Variants in SYNPR observed in about 807,000 individuals in gnomAD.
SYNPR encodes synaptoporin.
SYNPR carries 23 observed loss-of-function variants against 32.9 expected under a neutral mutation model. The ratio of observed to expected loss-of-function variants is 0.70; its 90% CI spans 0.50 to 0.99. SYNPR has a LOEUF of 0.99. SYNPR is among the 50% of genes least tolerant of loss of function. The pLI is 0.00. For synonymous variants in SYNPR, 146 were observed against 135.9 expected, an observed-to-expected ratio of 1.07 and a Z score of -0.52; for missense variants, 318 against 349.3, an observed-to-expected ratio of 0.91 and a Z score of 0.71.
chr3:63,251,703 G>C (rs2086332836), intron 1 of SYNPR, among the ~76,000 whole-genome samples: 1 of 152,024 alleles, frequency 6.6e-6, no homozygotes, highest in African/African-American at 2.4e-5. Context: ...GATCAGCAAA[G>C]ATCTACGTAA....
intron 4 of SYNPR, among the ~76,000 whole-genome samples, chr3:63,570,465 T>C (rs1335733595): frequency 1.3e-5 from 2 of 152,210 alleles, no homozygotes; most frequent in African/African-American, 4.8e-5. Context: ...TTCCATGTTT[T>C]AGTCAAACTG....
chr3:63,344,667 C>T (rs1478737011), intron 2 of SYNPR, among the ~76,000 whole-genome samples: 2 of 151,074 alleles, frequency 1.3e-5, no homozygotes, highest in African/African-American at 4.9e-5. Context: ...TGTTTTTGCC[C>T]ACTGCACAGA....
chr3:63,481,128 C>T (rs984080784), intron 3 of SYNPR, among the ~76,000 whole-genome samples, 172 bp downstream of exon 3: 1 of 151,824 alleles, frequency 6.6e-6, no homozygotes, highest in Admixed American at 6.6e-5. Flanking sequence ...AGTGTGGGCA[C>T]TGGGAGGATT....
chr3:63,459,875 A>G (rs1471079225), intron 2 of SYNPR, among the ~76,000 whole-genome samples: 1 of 152,034 alleles, frequency 6.6e-6, no homozygotes, highest in Non-Finnish European at 1.5e-5. Context: ...TCATTCAGCA[A>G]AGTCATCTTT....
intron 3 of SYNPR, among the ~76,000 whole-genome samples, chr3:63,505,490 C>G (rs1166919389): frequency 6.6e-6 from 1 of 152,062 alleles, no homozygotes; most frequent in African/African-American, 2.4e-5. Context: ...TGAAAATGGT[C>G]CCATCAAAGA....
In SYNPR at chr3:63,361,178, C is replaced by T. The variant is rs75566849; in HGVS notation, c.84+82436C>T. 6.3e-3 allele frequency among the ~76,000 whole-genome samples: 954 copies of T among 152,184 alleles called. 6 individuals carry two copies. Among genetic ancestry groups the T allele is most frequent in the African/African-American group, 0.021 (882 of 41,516 alleles). On this transcript the variant is annotated intron_variant, in intron 2 of 5. Transcript: ENST00000478300. ...TCAATGGCCTATGCTGGGTTATATG[C>T]CCATCTTGATCAGGGCAAGGTAAGT...
chr3:63,450,631 G>T (rs1236447985), intron 2 of SYNPR, among the ~76,000 whole-genome samples: 1 of 152,164 alleles, frequency 6.6e-6, no homozygotes, highest in Non-Finnish European at 1.5e-5. Flanking sequence ...AAACATCTTT[G>T]GGGGTTATTT....
At chr3:63,298,193 C>T (rs1477599974) in intron 2 of SYNPR, among the ~76,000 whole-genome samples, 1 of 152,066 alleles carries the variant, frequency 6.6e-6, no homozygotes, top group African/African-American at 2.4e-5. Context: ...GTTGGTTTGG[C>T]CTACACTCAG....
chr3:63,564,728 G>T (rs574308278), intron 4 of SYNPR, among the ~76,000 whole-genome samples: 2 of 152,218 alleles, frequency 1.3e-5, no homozygotes, highest in Non-Finnish European at 2.9e-5. Flanking sequence ...CACATCCTCA[G>T]CTCTTTTTCA....
At chr3:63,330,535 A>G (rs939753687) in intron 2 of SYNPR, among the ~76,000 whole-genome samples, 2 of 152,034 alleles carry the variant, frequency 1.3e-5, no homozygotes, top group Non-Finnish European at 2.9e-5. Context: ...GACCGCAGAA[A>G]GAGAGAGACT....
intron 2 of SYNPR, among the ~76,000 whole-genome samples, chr3:63,454,080 T>A (rs1700433554): frequency 6.6e-6 from 1 of 152,148 alleles, no homozygotes; most frequent in Non-Finnish European, 1.5e-5. Context: ...AATAGTCTAC[T>A]AAGTACCAGG....
At chr3:63,307,066 T>C (rs1285370394) in intron 2 of SYNPR, among the ~76,000 whole-genome samples, 2 of 152,096 alleles carry the variant, frequency 1.3e-5, no homozygotes, top group Non-Finnish European at 2.9e-5. Context: ...AATATACTCA[T>C]GTAACTGTGC....
At chr3:63,498,946 T>C (rs1437073501) in intron 3 of SYNPR, among the ~76,000 whole-genome samples, 2 of 108,450 alleles carry the variant, frequency 1.8e-5, no homozygotes, top group Admixed American at 9.2e-5. Context: ...GGACCTCACC[T>C]CTAAAAAAAA....
Position 63,429,168 on chromosome 3 carries a change from T to C in SYNPR, c.85-51664T>C, listed in dbSNP as rs143665646. On this transcript the variant is annotated intron_variant, in intron 2 of 5. Coordinates refer to ENST00000478300, the MANE Select transcript of SYNPR (RefSeq NM_001130003.2). The stretch of plus-strand genomic sequence containing the variant: ...AATCCTGCCGGTGTAACAAACAATG[T>C]TTGAGAGCAAAAAACAGTAAGAGGA... Among the ~76,000 whole-genome samples the C allele has an allele frequency of 9.9e-4, 151 of 152,290 alleles. 2 individuals carry two copies. The highest frequency in any genetic ancestry group is 3.4e-3 in the Middle Eastern group (1 of 294).
chr3:63,463,294 T>C (rs1257842519), intron 2 of SYNPR, among the ~76,000 whole-genome samples: 1 of 152,156 alleles, frequency 6.6e-6, no homozygotes, highest in Admixed American at 6.5e-5. Flanking sequence ...CTGGATTTTC[T>C]TAATAGATAC....
At chr3:63,279,357 T>C (rs2086607075) in intron 2 of SYNPR, among the ~76,000 whole-genome samples, 1 of 152,144 alleles carries the variant, frequency 6.6e-6, no homozygotes, top group East Asian at 1.9e-4. Flanking sequence ...CTCTGGCCAC[T>C]CCTCTAGGGC....
At chr3:63,321,004 T>C (rs2087106003) in intron 2 of SYNPR, among the ~76,000 whole-genome samples, 1 of 152,014 alleles carries the variant, frequency 6.6e-6, no homozygotes, top group Non-Finnish European at 1.5e-5. Context: ...AAATATGTAT[T>C]CCAGAAAAAT....
chr3:63,250,484 G>T (rs2086322654), intron 1 of SYNPR, among the ~76,000 whole-genome samples: 1 of 152,030 alleles, frequency 6.6e-6, no homozygotes, highest in Non-Finnish European at 1.5e-5. Flanking sequence ...TTCATTAAGG[G>T]AATCCTCACA....
chr3:63,356,429 A>C (rs71298648), intron 2 of SYNPR, among the ~76,000 whole-genome samples: 1 of 152,204 alleles, frequency 6.6e-6, no homozygotes, highest in Non-Finnish European at 1.5e-5. Context: ...TAAGTGCTTC[A>C]CAAATTCTAT....
Sources: gnomAD v4.1 joint callset for allele counts (sites outside exome capture counted in the v4.1 genomes callset) on GRCh38, gnomAD v4.1.1 for gene constraint, MANE v1.5 for transcripts, NCBI Gene and HGNC (gene_info 2026-07-23, HGNC 2026-07-21) for gene names.